The following SSBP3 variants were observed in gnomAD, a reference collection of about 807,000 sequenced individuals.
SSBP3 encodes the protein single-stranded DNA-binding protein 3.
SSBP3 carries 5 observed loss-of-function variants against 69.6 expected under a neutral mutation model. That is an observed-to-expected ratio of 0.07 (90% CI 0.04 to 0.15). The LOEUF is 0.15. Ranked by LOEUF, SSBP3 falls within the 10% of genes least tolerant of loss-of-function variation. The pLI, the probability that SSBP3 is intolerant of heterozygous loss-of-function variation, is 1.00. For synonymous variants in SSBP3, 196 were observed against 193.4 expected, an observed-to-expected ratio of 1.01 and a Z score of -0.11; for missense variants, 312 against 534.0, an observed-to-expected ratio of 0.58 and a Z score of 4.10.
intron 2 of SSBP3, 63 bp downstream of exon 2, chr1:54,404,795 G>A (rs928845201): frequency 8.9e-6 from 7 of 786,794 alleles, no homozygotes; most frequent in Non-Finnish European, 1.4e-5. Flanking sequence ...GAAAACAAAG[G>A]CTCTAAGAAT....
chr1:54,329,306 G>A (rs144080697), intron 4 of SSBP3, among the ~76,000 whole-genome samples: 29 of 152,318 alleles, frequency 1.9e-4, no homozygotes, highest in African/African-American at 7.0e-4. Flanking sequence ...TTATCTTTCT[G>A]ACATTTTAAA....
At chr1:54,263,072 T>C (rs1195050658) in intron 5 of SSBP3, among the ~76,000 whole-genome samples, 2 of 152,194 alleles carry the variant, frequency 1.3e-5, no homozygotes, top group African/African-American at 4.8e-5. Flanking sequence ...GAGAGCCACT[T>C]AGGCAGGGCC....
intron 4 of SSBP3, among the ~76,000 whole-genome samples, chr1:54,362,263 T>C (rs939681085): frequency 2.6e-5 from 4 of 152,216 alleles, no homozygotes; most frequent in African/African-American, 9.6e-5. Flanking sequence ...CTGCCAGCAG[T>C]GGACCATCCT....
At chr1:54,271,272 C>T (rs188317225) in intron 5 of SSBP3, among the ~76,000 whole-genome samples, 22 of 152,096 alleles carry the variant, frequency 1.4e-4, no homozygotes, top group East Asian at 9.7e-4. Context: ...AACAAAGTCT[C>T]GCTAATTTTT....
intron 4 of SSBP3, among the ~76,000 whole-genome samples, chr1:54,367,848 G>C (rs2100660891): frequency 6.6e-6 from 1 of 152,296 alleles, no homozygotes; most frequent in Non-Finnish European, 1.5e-5. Context: ...CAAACATTTA[G>C]CCATAAGGAT....
In SSBP3 at chr1:54,337,485, CTTTTTTTTTTTTTTTT is replaced by C. The variant is rs869039822; in HGVS notation, c.277-55974_277-55959del. 6.8e-4 allele frequency among the ~76,000 whole-genome samples: 35 copies of C among 51,170 alleles called. 1 individual carries two copies. Among genetic ancestry groups the C allele is most frequent in the African/African-American group, 3.1e-3 (32 of 10,182 alleles). 33.6% of individuals were successfully genotyped at this position (51,170 alleles called of 152,430 possible). On this transcript the variant is annotated intron_variant, in intron 4 of 17. Transcript: ENST00000610401. ...ACCAAAGCATTTTGTTTTCCTCAAG[CTTTTTTTTTTTTTTTT>C]TTTTTTTTTTTTTTGAGATGGAGTC... is the stretch of plus-strand genomic sequence containing the variant.
intron 4 of SSBP3, among the ~76,000 whole-genome samples, chr1:54,397,144 G>A (rs541041661): frequency 2.0e-5 from 3 of 152,356 alleles, no homozygotes; most frequent in South Asian, 2.1e-4. Flanking sequence ...AGGCAACGCC[G>A]TGAACTTGCC....
intron 4 of SSBP3, among the ~76,000 whole-genome samples, chr1:54,322,391 G>A (rs1646229102): frequency 6.6e-6 from 1 of 152,186 alleles, no homozygotes; most frequent in Non-Finnish European, 1.5e-5. Flanking sequence ...CACCAGCACA[G>A]ACAATGGCTA....
At chr1:54,384,105 C>CAAAAAAAAAAAA (rs34137070) in intron 4 of SSBP3, among the ~76,000 whole-genome samples, 34 of 94,108 alleles carry the variant, frequency 3.6e-4, no homozygotes, top group East Asian at 6.5e-4. Context: ...GACTCCATCT[C>CAAAAAAAAAAAA]AAAAAAAAAA....
intron 5 of SSBP3, among the ~76,000 whole-genome samples, chr1:54,262,811 C>T (rs1251005779): frequency 6.6e-6 from 1 of 152,174 alleles, no homozygotes; most frequent in African/African-American, 2.4e-5. Context: ...AGGGTGATGG[C>T]AGCAGGACCA....
intron 4 of SSBP3, among the ~76,000 whole-genome samples, chr1:54,315,040 T>A (rs1337666548): frequency 6.6e-6 from 1 of 152,168 alleles, no homozygotes; most frequent in Non-Finnish European, 1.5e-5. Flanking sequence ...CCGCGTGTGA[T>A]TCTGTCTGCC....
chr1:54,284,103 CTTT>C (rs5774181), intron 4 of SSBP3, among the ~76,000 whole-genome samples: 2,745 of 87,454 alleles, frequency 0.031, 47 homozygotes, highest in African/African-American at 0.076. Context: ...TATTTAACCA[CTTT>C]TTTTTTTTTT....
At chr1:54,254,402 C>T (rs1644884042) in intron 7 of SSBP3, among the ~76,000 whole-genome samples, 1 of 152,196 alleles carries the variant, frequency 6.6e-6, no homozygotes, top group African/African-American at 2.4e-5. Flanking sequence ...TCTCCTAAAC[C>T]CGGCTGAACT....
At chr1:54,389,196 A>G (rs562839000) in intron 4 of SSBP3, among the ~76,000 whole-genome samples, 46 of 152,202 alleles carry the variant, frequency 3.0e-4, no homozygotes, top group South Asian at 1.0e-3. Flanking sequence ...CATTTTCCAC[A>G]TTTCTTCATT....
intron 4 of SSBP3, among the ~76,000 whole-genome samples, chr1:54,351,476 A>G (rs573123678): frequency 2.0e-5 from 3 of 152,318 alleles, no homozygotes; most frequent in African/African-American, 7.2e-5. Context: ...GGGCCCACCT[A>G]CCTCCTGGGC....
intron 14 of SSBP3, among the ~76,000 whole-genome samples, chr1:54,234,997 ACT>A (rs1490197513): frequency 5.9e-5 from 9 of 152,274 alleles, no homozygotes; most frequent in East Asian, 1.9e-4. Context: ...TTGACTTGTC[ACT>A]CTGTTTATTC....
intron 4 of SSBP3, among the ~76,000 whole-genome samples, chr1:54,339,620 G>T (rs1226699449): frequency 6.6e-6 from 1 of 151,932 alleles, no homozygotes; most frequent in African/African-American, 2.4e-5. Context: ...CCTTAAGAAA[G>T]GGGAAAGATC....
At chr1:54,320,826 A>C (rs994036348) in intron 4 of SSBP3, among the ~76,000 whole-genome samples, 2 of 152,226 alleles carry the variant, frequency 1.3e-5, no homozygotes, top group Admixed American at 6.5e-5. Context: ...TTTCTCGGAA[A>C]CTGCAGCAAC....
chr1:54,243,109 C>T (rs1313065673), intron 10 of SSBP3, 126 bp downstream of exon 10: 29 of 846,824 alleles, frequency 3.4e-5, no homozygotes, highest in Non-Finnish European at 4.0e-5. Context: ...CTCACATTAC[C>T]GATGAGGAGA....
Sources: allele counts gnomAD v4.1 joint callset (sites outside exome capture counted in the v4.1 genomes callset), GRCh38; gene constraint gnomAD v4.1.1; transcripts MANE v1.5; gene names NCBI Gene and HGNC (gene_info 2026-07-23, HGNC 2026-07-21).